OPCML: variants seen among roughly 807,000 people sequenced by gnomAD.
OPCML encodes opioid binding protein/cell adhesion molecule like.
Under a neutral mutation model 37.8 loss-of-function variants are expected in OPCML, and 13 were observed. That is an observed-to-expected ratio of 0.34 (90% CI 0.22 to 0.55). The LOEUF (loss-of-function observed/expected upper bound fraction) is 0.55, where lower values mean the gene tolerates loss of function less well. Ranked by LOEUF, OPCML falls within the 20% of genes least tolerant of loss-of-function variation. The probability of loss-of-function intolerance (pLI) is 0.91; values close to 1 mark genes in which losing one functional copy is unlikely to be tolerated. For synonymous variants in OPCML, 176 were observed against 168.8 expected (o/e 1.04, Z -0.33); for missense variants, 341 against 435.6 (o/e 0.78, Z 1.93).
chr11:133,204,882 A>ATATGTGTATATATATATATATATGTG (rs1385122603), intron 1 of OPCML, among the ~76,000 whole-genome samples: 2 of 30,218 alleles, frequency 6.6e-5, no homozygotes, highest in Non-Finnish European at 1.7e-4. Flanking sequence ...ATATATATAT[A>ATATGTGTATATATATATATATATGTG]TATATATATA....
chr11:133,254,631 C>T (rs1312000547), intron 1 of OPCML, among the ~76,000 whole-genome samples: 1 of 152,144 alleles, frequency 6.6e-6, no homozygotes, highest in African/African-American at 2.4e-5. Context: ...ATGGCTATAG[C>T]AGATGTCTTT....
chr11:133,250,079 G>A (rs1006498086), intron 1 of OPCML, among the ~76,000 whole-genome samples: 1 of 152,210 alleles, frequency 6.6e-6, no homozygotes, highest in Non-Finnish European at 1.5e-5. Context: ...TCATCATAAA[G>A]TATAGACACT....
At chr11:132,693,898 G>A (rs1359622825) in intron 2 of OPCML, among the ~76,000 whole-genome samples, 1 of 152,082 alleles carries the variant, frequency 6.6e-6, no homozygotes, top group Non-Finnish European at 1.5e-5. Context: ...TTTGGTTTCA[G>A]TATGAAAATA....
At chr11:132,738,310 A>T (rs1211841485) in intron 2 of OPCML, among the ~76,000 whole-genome samples, 4 of 152,132 alleles carry the variant, frequency 2.6e-5, no homozygotes, top group Admixed American at 1.3e-4. Flanking sequence ...AGGACCAGAA[A>T]ATTCCTAAGT....
chr11:132,636,145 T>TTTACATCGACCC (rs1940482314), intron 3 of OPCML, among the ~76,000 whole-genome samples: 1 of 152,134 alleles, frequency 6.6e-6, no homozygotes, highest in Non-Finnish European at 1.5e-5. Flanking sequence ...GTAAGTGCTT[T>TTTACATCGACCC]TATTATTTTT....
rs1226221911 is a variant in OPCML at position 132,537,224 on chromosome 11, A to G, written c.380-8038T>C. On this transcript the variant is annotated intron_variant, in intron 3 of 7. Transcript: ENST00000524381. ...TAGAAAATATGCACAATTAAAAATC[A>G]GCATAAGGATAGGCATATACATCAA... Among the ~76,000 whole-genome samples, 3 of 152,238 alleles carry G rather than the reference A, an allele frequency of 2.0e-5. No homozygotes were observed. The South Asian group carries it at 6.2e-4, about 31-fold the overall frequency.
intron 2 of OPCML, chr11:132,817,226 T>C (rs1939686317): frequency 6.6e-6 from 1 of 152,154 alleles, no homozygotes; most frequent in Admixed American, 6.6e-5. Context: ...ACACAGGGAG[T>C]TTCAGATGAC....
chr11:133,310,432 A>G (rs1465625050), intron 1 of OPCML, among the ~76,000 whole-genome samples: 1 of 152,194 alleles, frequency 6.6e-6, no homozygotes, highest in African/African-American at 2.4e-5. Flanking sequence ...CCTTAGTTTA[A>G]AAATCTAGGT....
chr11:133,029,846 C>A (rs1404330112), intron 1 of OPCML, among the ~76,000 whole-genome samples: 5 of 100,982 alleles, frequency 5.0e-5, no homozygotes, highest in Non-Finnish European at 9.7e-5. Context: ...GCACACGCAC[C>A]TAATGAATCT....
intron 1 of OPCML, among the ~76,000 whole-genome samples, chr11:133,386,880 G>A (rs1045123677): frequency 1.3e-5 from 2 of 152,210 alleles, no homozygotes; most frequent in Non-Finnish European, 2.9e-5. Flanking sequence ...AGGGGTGTCC[G>A]TGAGGGCAGA....
chr11:133,442,030 A>G (rs1946375272), intron 1 of OPCML, among the ~76,000 whole-genome samples: 1 of 152,192 alleles, frequency 6.6e-6, no homozygotes, highest in South Asian at 2.1e-4. Context: ...CTGGCCAGCC[A>G]CTGTTTTAGG....
At chr11:132,523,835 A>G (rs764429140) in intron 4 of OPCML, among the ~76,000 whole-genome samples, 7 of 152,246 alleles carry the variant, frequency 4.6e-5, no homozygotes, top group Non-Finnish European at 5.9e-5. Context: ...GAGTAAATGC[A>G]TAAAAGAGTC....
chr11:132,601,970 C>T (rs1454517352), intron 3 of OPCML, among the ~76,000 whole-genome samples: 1 of 152,162 alleles, frequency 6.6e-6, no homozygotes, highest in Non-Finnish European at 1.5e-5. Flanking sequence ...CATGCATTCT[C>T]TATTCCCTCC....
intron 4 of OPCML, among the ~76,000 whole-genome samples, chr11:132,510,292 ACTTGT>A (rs1212406414): frequency 3.9e-5 from 6 of 152,110 alleles, no homozygotes; most frequent in Non-Finnish European, 5.9e-5. Flanking sequence ...GGTGGAAGGG[ACTTGT>A]CTTGTCTCAG....
intron 3 of OPCML, among the ~76,000 whole-genome samples, chr11:132,596,539 C>A (rs909216521): frequency 2.0e-5 from 3 of 152,084 alleles, no homozygotes; most frequent in African/African-American, 7.2e-5. Context: ...CCCCTAGACC[C>A]CAAGGACTAG....
intron 4 of OPCML, among the ~76,000 whole-genome samples, chr11:132,485,811 A>C (rs998821208): frequency 2.6e-5 from 4 of 152,328 alleles, no homozygotes; most frequent in Admixed American, 1.3e-4. Flanking sequence ...ATGGTAGTCC[A>C]TGTACCCTGT....
intron 2 of OPCML, among the ~76,000 whole-genome samples, chr11:132,761,639 T>C (rs762672164): frequency 2.0e-5 from 3 of 152,112 alleles, no homozygotes; most frequent in African/African-American, 4.8e-5. Context: ...GTTCTCGTAC[T>C]GTGTTTTTCG....
intron 1 of OPCML, among the ~76,000 whole-genome samples, chr11:133,157,757 C>A (rs2137207822): frequency 6.6e-6 from 1 of 152,296 alleles, no homozygotes. Context: ...GAAAATGGGA[C>A]CTAAATTGTC....
intron 2 of OPCML, among the ~76,000 whole-genome samples, chr11:132,679,167 C>T (rs1591715029): frequency 6.6e-6 from 1 of 152,206 alleles, no homozygotes; most frequent in East Asian, 1.9e-4. Context: ...CAAAACGAGG[C>T]AGCTGTGGTG....
Sources: allele counts gnomAD v4.1 joint callset (sites outside exome capture counted in the v4.1 genomes callset), GRCh38; gene constraint gnomAD v4.1.1; transcripts MANE v1.5; gene names NCBI Gene and HGNC (gene_info 2026-07-23, HGNC 2026-07-21).